Variants in ERCC6L2 observed in about 807,000 individuals in gnomAD.
ERCC6L2 encodes ERCC excision repair 6 like 2.
ERCC6L2 carries 77 observed loss-of-function variants against 132.0 expected under a neutral mutation model. That is an observed-to-expected ratio of 0.58 (90% CI 0.49 to 0.71). The LOEUF (loss-of-function observed/expected upper bound fraction) is 0.71, where lower values mean the gene tolerates loss of function less well. Among genes scored for constraint, ERCC6L2 ranks in the 30% least tolerant of loss-of-function variants. ERCC6L2 has a pLI of 0.00. For missense variants in ERCC6L2, 1,542 were observed against 1,837.6 expected, an observed-to-expected ratio of 0.84 and a Z score of 2.94; for synonymous variants, 583 against 632.4, an observed-to-expected ratio of 0.92 and a Z score of 1.17.
Position 95,956,024 on chromosome 9 carries a change from T to C in ERCC6L2, c.1947+11T>C. On this transcript the variant is annotated intron_variant, in intron 13 of 18. Coordinates refer to ENST00000653738, the MANE Select transcript of ERCC6L2 (RefSeq NM_020207.7). ...CAGATATACAAGCAGGTAAATATGT[T>C]TCCCTTTTTCTGTTTCAGAGGTCAA... is the stretch of plus-strand genomic sequence containing the variant. 6.7e-7 allele frequency: 1 copy of C among 1,495,462 alleles called. No individual in the cohort carries two copies. Among genetic ancestry groups the C allele is most frequent in the Non-Finnish European group, 9.1e-7 (1 of 1,093,816 alleles). 92.6% of individuals were successfully genotyped at this position (1,495,462 alleles called of 1,614,324 possible). A position where few individuals can be genotyped will look rare whatever the true frequency, so the allele number is the denominator to read the frequency against.
chr9:95,925,225 ATCAT>A (rs1450940461), intron 9 of ERCC6L2, among the ~76,000 whole-genome samples: 1 of 152,170 alleles, frequency 6.6e-6, no homozygotes, highest in African/African-American at 2.4e-5. Flanking sequence ...GACCTCAACT[ATCAT>A]TCAAGGGGTT....
intron 11 of ERCC6L2, among the ~76,000 whole-genome samples, chr9:95,938,859 C>T (rs745696220): frequency 2.6e-5 from 4 of 151,818 alleles, no homozygotes; most frequent in African/African-American, 4.8e-5. Context: ...ATCTTTTTAT[C>T]TCCTATTTCT....
intron 17 of ERCC6L2, among the ~76,000 whole-genome samples, chr9:95,984,081 A>G (rs1196380964): frequency 6.6e-6 from 1 of 151,602 alleles, no homozygotes; most frequent in East Asian, 1.9e-4. Flanking sequence ...CCTTTAAGAT[A>G]TATATACATA....
chr9:95,915,114 C>G (rs905111267), intron 4 of ERCC6L2, among the ~76,000 whole-genome samples: 1 of 152,090 alleles, frequency 6.6e-6, no homozygotes, highest in African/African-American at 2.4e-5. Flanking sequence ...CTGTGCTTTT[C>G]GGCTGTTCAG....
At position 95,879,556 on chromosome 9, in the gene ERCC6L2, C is replaced by T. The variant is rs564775074; in HGVS notation, c.47-1313C>T. 2.0e-3 allele frequency among the ~76,000 whole-genome samples: 304 copies of T among 152,172 alleles called. 1 individual carries two copies. Among genetic ancestry groups the T allele is most frequent in the African/African-American group, 7.0e-3 (290 of 41,506 alleles). On this transcript the variant is annotated intron_variant, in intron 1 of 18. Coordinates refer to ENST00000653738, the MANE Select transcript of ERCC6L2 (RefSeq NM_020207.7). ...ATGTTGTTCTACTTGTACAGTGGAT[C>T]GAGGCTTTAGTTTGACATTAAAACA...
intron 8 of ERCC6L2, among the ~76,000 whole-genome samples, 193 bp from the exon 9 acceptor site, chr9:95,923,067 A>G (rs1006250789): frequency 5.3e-5 from 8 of 152,204 alleles, no homozygotes; most frequent in African/African-American, 1.9e-4. Flanking sequence ...TAACCACATC[A>G]TTAAGAATTC....
chr9:95,988,457 C>G (rs1480464500), intron 17 of ERCC6L2, among the ~76,000 whole-genome samples: 1 of 152,160 alleles, frequency 6.6e-6, no homozygotes, highest in African/African-American at 2.4e-5. Context: ...ATAAACAAGT[C>G]TCATGACTAA....
Position 96,013,075 on chromosome 9 carries a change from G to A in ERCC6L2, c.4525G>A (p.Ala1509Thr). The A allele has an allele frequency of 7.3e-7, 1 of 1,367,634 alleles. No homozygotes were observed. Among genetic ancestry groups the A allele is most frequent in the South Asian group, 1.1e-5 (1 of 88,050 alleles). 84.7% of individuals were successfully genotyped at this position (1,367,634 alleles called of 1,614,324 possible). Residue 1509 changes from alanine to threonine, a missense_variant, in exon 19 of 19, where the codon GCA becomes ACA. By Grantham distance (58) the Ala-to-Thr change is moderately conservative. This residue lies in a region of ERCC6L2 where 442 missense variants were observed against 583.4 expected (regional missense o/e 0.76). Coordinates refer to ENST00000653738, the MANE Select transcript of ERCC6L2 (RefSeq NM_020207.7). ...IETLCEKAPL[A>T]APFKRREEPA... ...GACTCTGTGTGAAAAAGCACCTCTA[G>A]CAGCACCCTTTAAAAGGAGAGAAGA...
chr9:95,912,660 T>C (rs1315512600), intron 4 of ERCC6L2, among the ~76,000 whole-genome samples: 1 of 152,226 alleles, frequency 6.6e-6, no homozygotes, highest in Middle Eastern at 3.2e-3. Flanking sequence ...TTTAATATCT[T>C]ATGTTTATAA....
chr9:95,919,724 A>T lies in ERCC6L2; in HGVS notation c.1159-1451A>T, dbSNP rs1053490099. On this transcript the variant is annotated intron_variant, in intron 6 of 18. Transcript: ENST00000653738. ...TCCTGGAATAGTAAATTCCTGCTGG[A>T]GAAAACTGTGTCCAGATGTGCATGA... Among the ~76,000 whole-genome samples the T allele has an allele frequency of 2.0e-5, 3 of 152,252 alleles. No homozygotes were observed. In the South Asian group the frequency reaches 6.2e-4, roughly 32 times the overall value.
At chr9:95,909,404 G>T (rs1164574631) in intron 4 of ERCC6L2, among the ~76,000 whole-genome samples, 1 of 152,090 alleles carries the variant, frequency 6.6e-6, no homozygotes, top group Non-Finnish European at 1.5e-5. Context: ...CCCAAACAAG[G>T]TAAAAACTAT....
At chr9:95,980,363 G>C (rs543079268) in intron 17 of ERCC6L2, among the ~76,000 whole-genome samples, 10 of 152,086 alleles carry the variant, frequency 6.6e-5, no homozygotes, top group Non-Finnish European at 1.0e-4. Context: ...GAAGATAAAG[G>C]AATTAGCTGT....
chr9:95,969,953 T>C (rs1832338471), intron 14 of ERCC6L2, among the ~76,000 whole-genome samples: 2 of 152,164 alleles, frequency 1.3e-5, no homozygotes, highest in South Asian at 4.1e-4. Flanking sequence ...TATTCTAGAA[T>C]CTAGGCCATT....
chr9:95,990,075 A>G (rs1219963817), intron 17 of ERCC6L2, among the ~76,000 whole-genome samples: 1 of 152,246 alleles, frequency 6.6e-6, no homozygotes, highest in East Asian at 1.9e-4. Context: ...ATTTAGGGCA[A>G]TAATCAATAA....
chr9:95,998,480 G>T (rs1196591893), intron 17 of ERCC6L2, among the ~76,000 whole-genome samples: 1 of 152,192 alleles, frequency 6.6e-6, no homozygotes, highest in African/African-American at 2.4e-5. Flanking sequence ...AACCCACTTT[G>T]CTCGTGGATT....
chr9:96,027,669 TC>T (rs1312208291), intron 19 of ERCC6L2: 16 of 152,254 alleles, frequency 1.1e-4, no homozygotes, highest in African/African-American at 3.1e-4. Context: ...ATGCACCTTC[TC>T]CCGGGGCGCC....
intron 9 of ERCC6L2, among the ~76,000 whole-genome samples, chr9:95,926,231 A>C (rs1193357553): frequency 6.6e-6 from 1 of 152,232 alleles, no homozygotes; most frequent in Non-Finnish European, 1.5e-5. Context: ...TAGTCTTACT[A>C]TATGATCCCG....
chr9:96,007,372 A>G (rs747891854), intron 18 of ERCC6L2, among the ~76,000 whole-genome samples: 1 of 152,252 alleles, frequency 6.6e-6, no homozygotes, highest in Admixed American at 6.5e-5. Context: ...GGACATCCAC[A>G]TGGATATTGA....
At chr9:96,011,674 A>T (rs1318621303) in intron 18 of ERCC6L2, among the ~76,000 whole-genome samples, 2 of 152,206 alleles carry the variant, frequency 1.3e-5, no homozygotes, top group African/African-American at 4.8e-5. Context: ...TGGGGAAAAA[A>T]TAGTCTAGGT....
Sources: allele counts gnomAD v4.1 joint callset (sites outside exome capture counted in the v4.1 genomes callset), GRCh38; gene constraint gnomAD v4.1.1; regional missense constraint gnomAD v4.1.1; transcripts MANE v1.5; gene names NCBI Gene and HGNC (gene_info 2026-07-23, HGNC 2026-07-21).